The following IFT74 variants were observed in gnomAD, a reference collection of about 807,000 sequenced individuals.
IFT74 encodes intraflagellar transport protein 74 homolog.
A neutral mutation model predicts 96.7 loss-of-function variants in IFT74; 92 were observed. That is an observed-to-expected ratio of 0.95 (90% CI 0.80 to 1.13). The LOEUF is 1.13. Among genes scored for constraint, IFT74 ranks in the 50% most tolerant of loss-of-function variants. The probability of loss-of-function intolerance (pLI) is 0.00; values close to 1 mark genes in which losing one functional copy is unlikely to be tolerated. For synonymous variants in IFT74, 223 were observed against 213.2 expected (o/e 1.05, Z -0.40); for missense variants, 811 against 698.2 (o/e 1.16, Z -1.82).
chr9:27,042,086 T>C (rs999911086), intron 13 of IFT74, among the ~76,000 whole-genome samples: 2 of 152,142 alleles, frequency 1.3e-5, no homozygotes, highest in African/African-American at 4.8e-5. Context: ...GACAGCCAAA[T>C]GTAATAGGGA....
chr9:27,027,996 T>C (rs1829948343), intron 12 of IFT74, among the ~76,000 whole-genome samples: 1 of 152,212 alleles, frequency 6.6e-6, no homozygotes, highest in Non-Finnish European at 1.5e-5. Context: ...TGATGTGAGG[T>C]AGGAGTCCCT....
intron 2 of IFT74, among the ~76,000 whole-genome samples, chr9:26,968,237 T>C (rs570164172): frequency 6.6e-6 from 1 of 150,506 alleles, no homozygotes; most frequent in Non-Finnish European, 1.5e-5. Flanking sequence ...TTTTCTTTGC[T>C]GGGAGACGTT....
At chr9:27,044,862 A>G in intron 14 of IFT74, 67 bp downstream of exon 14, 1 of 924,828 alleles carries the variant, frequency 1.1e-6, no homozygotes, top group Non-Finnish European at 1.6e-6. Flanking sequence ...ATACCAAATC[A>G]GAGACCTCAT....
chr9:26,992,090 G>A (rs1827911634), intron 8 of IFT74, among the ~76,000 whole-genome samples: 1 of 151,796 alleles, frequency 6.6e-6, no homozygotes, highest in Non-Finnish European at 1.5e-5. Flanking sequence ...GCCTTAAAGA[G>A]TTTAGAACAT....
At position 26,980,631 on chromosome 9, in the gene IFT74, A is replaced by G. The variant is rs765552284; in HGVS notation, c.305+12A>G. ...CTTGGGCTTCTTAGGTATGTTAAAC[A>G]TATCTTTTCATCCGTATGTTTTACT... On this transcript the variant is annotated intron_variant, in intron 4 of 19. Transcript: ENST00000380062. 13 of 1,546,738 alleles carry G rather than the reference A, an allele frequency of 8.4e-6. No individual in the cohort carries two copies. Among genetic ancestry groups the G allele is most frequent in the South Asian group, 1.1e-5 (1 of 88,836 alleles).
chr9:27,045,867 T>A (rs1819678366), intron 14 of IFT74, among the ~76,000 whole-genome samples: 1 of 152,138 alleles, frequency 6.6e-6, no homozygotes, highest in African/African-American at 2.4e-5. Context: ...TTTTTTTAAG[T>A]CTTTTGGTAA....
chr9:27,022,096 C>T (rs546315303), intron 12 of IFT74, among the ~76,000 whole-genome samples: 6 of 152,220 alleles, frequency 3.9e-5, no homozygotes, highest in Admixed American at 1.3e-4. Flanking sequence ...GTGTCCTTTC[C>T]CCACCTTATG....
At chr9:27,028,420 A>G (rs1035656927) in intron 12 of IFT74, among the ~76,000 whole-genome samples, 2 of 152,172 alleles carry the variant, frequency 1.3e-5, no homozygotes, top group African/African-American at 4.8e-5. Context: ...AACTCAGGCA[A>G]CTAGTGTTCT....
intron 8 of IFT74, among the ~76,000 whole-genome samples, chr9:27,002,613 A>AGAT (rs1828561558): frequency 6.6e-6 from 1 of 152,220 alleles, no homozygotes; most frequent in East Asian, 1.9e-4. Context: ...GTGTGTATTT[A>AGAT]TATCTGAGTT....
At chr9:26,968,795 C>T (rs1287256503) in intron 2 of IFT74, among the ~76,000 whole-genome samples, 1 of 143,424 alleles carries the variant, frequency 7.0e-6, no homozygotes, top group Non-Finnish European at 1.6e-5. Context: ...TTATTTGAGT[C>T]TTCCCTCTTT....
At chr9:26,981,522 C>T (rs1451780955) in intron 4 of IFT74, among the ~76,000 whole-genome samples, 1 of 151,960 alleles carries the variant, frequency 6.6e-6, no homozygotes, top group Non-Finnish European at 1.5e-5. Context: ...TTAAGCAATT[C>T]TCCTGCATCA....
At chr9:27,031,777 AAAATAAATAAAATAAAATG>A (rs1273569512) in intron 13 of IFT74, among the ~76,000 whole-genome samples, 62 of 146,212 alleles carry the variant, frequency 4.2e-4, no homozygotes, top group African/African-American at 1.5e-3. Context: ...AAAATAAAAT[AAAATAAATAAAATAAAATG>A]TAAAATAAAA....
At chr9:26,952,098 G>C (rs958837180), upstream of IFT74, among the ~76,000 whole-genome samples, 2 of 152,120 alleles carry the variant, frequency 1.3e-5, no homozygotes, top group Non-Finnish European at 2.9e-5. Flanking sequence ...CATTTAGTAA[G>C]CGTTTTTCTT....
At chr9:27,044,692 C>T (rs373517286) in intron 13 of IFT74, 50 bp from the exon 14 acceptor site, 11 of 1,029,232 alleles carry the variant, frequency 1.1e-5, no homozygotes, top group Non-Finnish European at 1.6e-5. Context: ...AATTTAGAGC[C>T]CTGTATGTGC....
At chr9:26,984,182 G>A in intron 4 of IFT74, 75 bp from the exon 5 acceptor site, 6 of 1,148,638 alleles carry the variant, frequency 5.2e-6, no homozygotes, top group Non-Finnish European at 7.3e-6. Flanking sequence ...CGTATTAATG[G>A]AAAGTTTAAA....
In IFT74 at chr9:27,036,840, G is replaced by A. The variant is rs1819223707; in HGVS notation, c.1054+7736G>A. The A allele has an allele frequency of 3.9e-6, 4 of 1,032,520 alleles. No individual in the cohort carries two copies. In the East Asian group the frequency reaches 3.3e-4, roughly 84 times the overall value. 64.0% of individuals were successfully genotyped at this position (1,032,520 alleles called of 1,614,324 possible). ...ACCAAAGTGACACAATAAAACAGAA[G>A]GAAGCTGAAGCTGACATTTGTGGAA... On this transcript the variant is annotated intron_variant, in intron 13 of 19. Transcript: ENST00000380062.
chr9:26,991,156 G>C (rs1309525563), intron 8 of IFT74, among the ~76,000 whole-genome samples: 1 of 152,158 alleles, frequency 6.6e-6, no homozygotes, highest in African/African-American at 2.4e-5. Flanking sequence ...ATGATGGATA[G>C]ATGTTAAAAT....
At chr9:26,991,978 G>A (rs1347530388) in intron 8 of IFT74, among the ~76,000 whole-genome samples, 1 of 151,940 alleles carries the variant, frequency 6.6e-6, no homozygotes, top group Non-Finnish European at 1.5e-5. Flanking sequence ...GCAGTTAGCT[G>A]AGGTCGCGCC....
chr9:26,998,176 A>G (rs766693975), intron 8 of IFT74: 2 of 1,579,640 alleles, frequency 1.3e-6, no homozygotes, highest in Admixed American at 3.5e-5. Context: ...CAAGTATAGT[A>G]ACATCTTTCT....
Sources: allele counts gnomAD v4.1 joint callset (sites outside exome capture counted in the v4.1 genomes callset), GRCh38; gene constraint gnomAD v4.1.1; transcripts MANE v1.5; gene names NCBI Gene and HGNC (gene_info 2026-07-23, HGNC 2026-07-21).